Variants in DNAH10 observed in about 807,000 individuals in gnomAD.
DNAH10 encodes axonemal beta dynein heavy chain 10.
A neutral mutation model predicts 506.6 loss-of-function variants in DNAH10; 348 were observed. That is an observed-to-expected ratio of 0.69 (90% CI 0.63 to 0.75). The LOEUF (loss-of-function observed/expected upper bound fraction) is 0.75. Ranked by LOEUF, DNAH10 falls within the 30% of genes least tolerant of loss-of-function variation. The pLI is 0.00. For missense variants in DNAH10, 5,179 were observed against 5,787.1 expected, an observed-to-expected ratio of 0.89 and a Z score of 3.41; for synonymous variants, 2,059 against 2,198.6, an observed-to-expected ratio of 0.94 and a Z score of 1.78.
Position 123,818,988 on chromosome 12 carries a change from G to T in DNAH10, c.3819G>T (p.Glu1273Asp). The change falls in exon 22 of 79, where the codon GAG becomes GAT. Residue 1273 changes from glutamate (E) to aspartate (D), a missense_variant. Glu to Asp is a conservative substitution (Grantham distance 45). Transcript: ENST00000673944. ...AGAAAGAACTGGTTGATAAGATTGA[G>T]AGCATATGGTCCAATCTGTTTAATG... is the stretch of plus-strand genomic sequence containing the variant. ...DAEKELVDKI[E>D]SIWSNLFNDS... 6.2e-7 allele frequency: 1 copy of T among 1,607,756 alleles called. No individual in the cohort carries two copies. The highest frequency in any genetic ancestry group is 1.1e-5 in the South Asian group (1 of 89,280).
intron 12 of DNAH10, among the ~76,000 whole-genome samples, 197 bp from the exon 13 acceptor site, chr12:123,796,459 C>A (rs1958280540): frequency 6.6e-6 from 1 of 151,826 alleles, no homozygotes; most frequent in South Asian, 2.1e-4. Flanking sequence ...TCTGCCTCAA[C>A]AACAACAACA....
At chr12:123,884,909 T>G (rs1319676119) in intron 51 of DNAH10, among the ~76,000 whole-genome samples, 1 of 152,230 alleles carries the variant, frequency 6.6e-6, no homozygotes, top group African/African-American at 2.4e-5. Context: ...TTTTAGTGTA[T>G]ACTTTTCTTT....
chr12:123,797,396 C>CTTT (rs112287083), intron 13 of DNAH10, among the ~76,000 whole-genome samples: 1 of 142,776 alleles, frequency 7.0e-6, no homozygotes, highest in African/African-American at 2.6e-5. Context: ...TTTTCTTTTT[C>CTTT]TTTTTTTTTT....
chr12:123,838,013 A>G (rs187853708), intron 28 of DNAH10, among the ~76,000 whole-genome samples: 1 of 152,108 alleles, frequency 6.6e-6, no homozygotes, highest in Non-Finnish European at 1.5e-5. Flanking sequence ...CATTGAGGCT[A>G]TTTCTTTCTT....
At chr12:123,898,400 A>G (rs1447801841) in intron 55 of DNAH10, among the ~76,000 whole-genome samples, 1 of 152,172 alleles carries the variant, frequency 6.6e-6, no homozygotes, top group Admixed American at 6.5e-5. Context: ...TATCTGCTGC[A>G]GCAGCATGCA....
intron 30 of DNAH10, among the ~76,000 whole-genome samples, chr12:123,844,468 G>T (rs1950879267): frequency 6.6e-6 from 1 of 152,122 alleles, no homozygotes; most frequent in Non-Finnish European, 1.5e-5. Flanking sequence ...CATCCAAGTG[G>T]CCAATAAACA....
chr12:123,799,167 G>T, intron 13 of DNAH10, 79 bp from the exon 14 acceptor site: 72 of 794,014 alleles, frequency 9.1e-5, no homozygotes, highest in Non-Finnish European at 1.1e-4. Context: ...TTTATAATTT[G>T]TATAAATTAT....
intron 18 of DNAH10, among the ~76,000 whole-genome samples, chr12:123,807,148 CATCT>C (rs1296863837): frequency 2.0e-5 from 3 of 152,004 alleles, no homozygotes; most frequent in Admixed American, 6.6e-5. Context: ...TCCATCCATC[CATCT>C]GTTCATTCAC....
At chr12:123,829,700 T>G (rs563723175) in intron 25 of DNAH10, among the ~76,000 whole-genome samples, 2 of 151,164 alleles carry the variant, frequency 1.3e-5, no homozygotes, top group Non-Finnish European at 2.9e-5. Flanking sequence ...TTCTGACCAT[T>G]TCCATGGCCG....
intron 12 of DNAH10, among the ~76,000 whole-genome samples, chr12:123,795,146 C>A (rs369985106): frequency 0.022 from 2,401 of 111,478 alleles, no homozygotes; most frequent in Non-Finnish European, 0.026. Context: ...AACTTCGTCT[C>A]AAAAAAAAAA....
chr12:123,879,434 A>G (rs754485862), intron 49 of DNAH10, 77 bp downstream of exon 49: 46 of 1,517,854 alleles, frequency 3.0e-5, no homozygotes, highest in Non-Finnish European at 3.7e-5. Context: ...TTTTTATATT[A>G]GGACGCGAAT....
In DNAH10 at chr12:123,871,975, G is replaced by C. The variant is rs144747974; in HGVS notation, c.7785+373G>C. ...GATGCTATGATGTCTTTTATGACCT[G>C]GCCTTGGAAGTCACATACCCTCCCT... On this transcript the variant is annotated intron_variant, in intron 45 of 78. Coordinates refer to ENST00000673944, the MANE Select transcript of DNAH10 (RefSeq NM_001372106.1). Among the ~76,000 whole-genome samples, 6 of 152,290 alleles carry C rather than the reference G, an allele frequency of 3.9e-5. No homozygotes were observed. The South Asian group carries it at 1.2e-3, about 32-fold the overall frequency.
In DNAH10 at chr12:123,926,582, C is replaced by T. The variant is rs1281032271; in HGVS notation, c.11922-55C>T. 7 of 1,573,044 alleles carry T rather than the reference C, an allele frequency of 4.4e-6. No homozygotes were observed. Among genetic ancestry groups the T allele is most frequent in the Non-Finnish European group, 6.0e-6 (7 of 1,157,598 alleles). ...GCAGCGCTGATCAGACAGACCAGCC[C>T]CTGGTCTGGAGCTGTCCTCGCGGGA... On this transcript the variant is annotated intron_variant, in intron 68 of 78. Coordinates refer to ENST00000673944, the MANE Select transcript of DNAH10 (RefSeq NM_001372106.1). The surrounding 1 kb of genome is among the most constrained non-coding windows in gnomAD (Gnocchi z 4.1).
In DNAH10 at chr12:123,923,818, A is replaced by C; in HGVS notation, c.11562A>C (p.Glu3854Asp). The change falls in exon 66 of 79, where the codon GAA (glutamate) becomes GAC (aspartate). Residue 3854 changes from glutamate (E) to aspartate (D), a missense_variant. By Grantham distance (45) the Glu-to-Asp change is conservative. Transcript: ENST00000673944. ...CTTTTAATATGACCATCAAGATAGA[A>C]CAAGCAGAAGGGAGAGTCCCTCAAG... is the stretch of plus-strand genomic sequence containing the variant. ...LFSFNMTIKI[E>D]QAEGRVPQEE... 6.2e-7 allele frequency: 1 copy of C among 1,613,042 alleles called. No homozygotes were observed. The highest frequency in any genetic ancestry group is 8.5e-7 in the Non-Finnish European group (1 of 1,179,688).
chr12:123,870,445 G>A lies in DNAH10; in HGVS notation c.7599G>A (p.Glu2533=). 6.2e-7 allele frequency: 1 copy of A among 1,613,796 alleles called. No homozygotes were observed. Among genetic ancestry groups the A allele is most frequent in the Non-Finnish European group, 8.5e-7 (1 of 1,179,834 alleles). The change falls in exon 44 of 79, where the codon GAG becomes GAA. Residue 2533 remains glutamate (E), a synonymous_variant. Transcript: ENST00000673944. ...TCCCATGGAGTAAATTAGTTCCAGAGTATATTCATGCCCCCGAGAGGAAAT... is the reference window on the plus strand; with the variant it reads ...TCCCATGGAGTAAATTAGTTCCAGAATATATTCATGCCCCCGAGAGGAAAT... The part of the protein sequence containing the change: ...QWVPWSKLVP[E]YIHAPERKFI...
At position 123,766,445 on chromosome 12, in the gene DNAH10, T is replaced by C. The variant is rs183216980; in HGVS notation, c.215-1161T>C. Among the ~76,000 whole-genome samples the C allele has an allele frequency of 3.9e-4, 60 of 152,322 alleles. 1 individual carries two copies. The highest frequency in any genetic ancestry group is 3.4e-3 in the Middle Eastern group (1 of 294). ...CTATATATACATATTATTTTGTGAC[T>C]TCTCCCCCCACCACATGTTTTGGTT... On this transcript the variant is annotated intron_variant, in intron 1 of 78. Transcript: ENST00000673944.
At position 123,813,148 on chromosome 12, in the gene DNAH10, A is replaced by G; in HGVS notation, c.3145-16A>G. On this transcript the variant is annotated splice_polypyrimidine_tract_variant and intron_variant, in intron 19 of 78. Transcript: ENST00000673944. The stretch of plus-strand genomic sequence containing the variant: ...TACTAAAATACTGTCTTTTCTCCTA[A>G]TTCTTACTTTGCCAGCATTTTGTTC... 1 of 1,585,146 alleles carries G rather than the reference A, an allele frequency of 6.3e-7. No individual in the cohort carries two copies. Among genetic ancestry groups the G allele is most frequent in the Non-Finnish European group, 8.6e-7 (1 of 1,164,042 alleles).
chr12:123,790,423 G>A (rs1013548254), intron 11 of DNAH10, among the ~76,000 whole-genome samples: 7 of 152,168 alleles, frequency 4.6e-5, no homozygotes, highest in African/African-American at 1.7e-4. Flanking sequence ...GAAGTTAAAA[G>A]TAAACCAGAT....
intron 2 of DNAH10, among the ~76,000 whole-genome samples, chr12:123,768,607 TACAA>T (rs112371395): frequency 0.06 from 9,062 of 152,244 alleles, 769 homozygotes; most frequent in African/African-American, 0.19. Flanking sequence ...GTATGTAACA[TACAA>T]ACACTCATGC....
Sources: gnomAD v4.1 joint callset for allele counts (sites outside exome capture counted in the v4.1 genomes callset) on GRCh38, gnomAD v4.1.1 for gene constraint, Gnocchi (gnomAD v3.1) non-coding constraint, MANE v1.5 for transcripts, NCBI Gene and HGNC (gene_info 2026-07-23, HGNC 2026-07-21) for gene names.